Variants in RFWD3 observed in about 807,000 individuals in gnomAD.
The protein encoded by RFWD3 is ring finger and WD repeat domain 3.
A neutral mutation model predicts 87.7 loss-of-function variants in RFWD3; 65 were observed. That is an observed-to-expected ratio of 0.74 (90% CI 0.61 to 0.91). The LOEUF is 0.91. Ranked by LOEUF, RFWD3 falls within the 40% of genes least tolerant of loss-of-function variation. The pLI is 0.00. For missense variants in RFWD3, 1,078 were observed against 938.5 expected (o/e 1.15, Z -1.94); for synonymous variants, 433 against 352.8 (o/e 1.23, Z -2.55).
intron 8 of RFWD3, among the ~76,000 whole-genome samples, chr16:74,633,177 T>C (rs941392085): frequency 1.3e-5 from 2 of 150,912 alleles, no homozygotes; most frequent in African/African-American, 2.4e-5. Context: ...TTCAGGAGGC[T>C]GAGGCAGGAG....
chr16:74,649,289 A>T, intron 3 of RFWD3, 87 bp from the exon 4 acceptor site: 1 of 888,626 alleles, frequency 1.1e-6, no homozygotes. Context: ...AGAGAGCCTG[A>T]CTCACTACAG....
At chr16:74,646,405 A>G (rs530204438) in intron 4 of RFWD3, among the ~76,000 whole-genome samples, 1 of 152,190 alleles carries the variant, frequency 6.6e-6, no homozygotes, top group East Asian at 1.9e-4. Context: ...TGATTTATAT[A>G]AAGAAAAAAA....
rs964453580 is a variant in RFWD3 at position 74,623,852 on chromosome 16, G to A, written c.*76C>T. 2.7e-5 allele frequency: 40 copies of A among 1,477,550 alleles called. No individual in the cohort carries two copies. Among genetic ancestry groups the A allele is most frequent in the Admixed American group, 3.5e-5 (2 of 56,960 alleles). 91.5% of individuals were successfully genotyped at this position (1,477,550 alleles called of 1,614,324 possible). Reference sequence around the variant, plus strand: ...TTCTAGACTGCAGACAATAAACAGGGATCTTGCTTGGGGCTGCTAGGCGCT... The same window carrying A: ...TTCTAGACTGCAGACAATAAACAGGAATCTTGCTTGGGGCTGCTAGGCGCT... On this transcript the variant is annotated 3_prime_UTR_variant, in exon 13 of 13. Transcript: ENST00000361070.
intron 3 of RFWD3, 46 bp from the exon 4 acceptor site, chr16:74,649,248 T>C (rs769526949): frequency 7.2e-7 from 1 of 1,381,838 alleles, no homozygotes; most frequent in Non-Finnish European, 9.9e-7. Flanking sequence ...AAATACAAAA[T>C]AAGATATGTC....
At chr16:74,641,928 CAAAAAAAA>C (rs71158533) in intron 6 of RFWD3, among the ~76,000 whole-genome samples, 1 of 52,474 alleles carries the variant, frequency 1.9e-5, no homozygotes, top group African/African-American at 8.1e-5. Flanking sequence ...ACTCCGTCTC[CAAAAAAAA>C]AAAAAAAAAA....
chr16:74,648,685 T>C (rs1039568114), intron 4 of RFWD3, among the ~76,000 whole-genome samples: 1 of 151,476 alleles, frequency 6.6e-6, no homozygotes, highest in South Asian at 2.1e-4. Context: ...GGTAGGAGAA[T>C]TGCTTAAACA....
intron 11 of RFWD3, 56 bp from the exon 12 acceptor site, chr16:74,626,610 C>T: frequency 7.0e-7 from 1 of 1,435,782 alleles, no homozygotes; most frequent in Admixed American, 1.8e-5. Flanking sequence ...AAAAATTAAC[C>T]AAGTACCCAA....
Position 74,623,340 on chromosome 16 carries a change from T to C in RFWD3, c.*588A>G, listed in dbSNP as rs1374353683. ...GTTATTGCCACAAAGCACACCCAGG[T>C]GTGCTATCACACACTTGTGTGGAGA... On this transcript the variant is annotated 3_prime_UTR_variant, in exon 13 of 13. Transcript: ENST00000361070. 5.9e-5 allele frequency: 9 copies of C among 152,748 alleles called. No homozygotes were observed. 9.5% of individuals were successfully genotyped at this position (152,748 alleles called of 1,614,324 possible).
chr16:74,636,615 A>C, intron 7 of RFWD3, 38 bp from the exon 8 acceptor site: 1 of 1,406,210 alleles, frequency 7.1e-7, no homozygotes, highest in Admixed American at 1.9e-5. Context: ...AAAGCTTTTT[A>C]ATTTGATATT....
rs752853275 is a variant in RFWD3 at position 74,651,981 on chromosome 16, G to C, written c.660C>G (p.Ser220Arg). The C allele has an allele frequency of 1.2e-6, 2 of 1,614,020 alleles. No individual in the cohort carries two copies. Among genetic ancestry groups the C allele is most frequent in the Admixed American group, 3.3e-5 (2 of 59,984 alleles). Residue 220 changes from serine to arginine, a missense_variant, in exon 3 of 13, where the codon AGC (serine) becomes AGG (arginine). Coordinates refer to ENST00000361070, the MANE Select transcript of RFWD3 (RefSeq NM_018124.4). ...VSSSSDSDSD[S>R]SAEYGGVVDQ... is the part of the protein sequence containing the mutation. ...CAACAACCCCTCCATACTCTGCAGA[G>C]CTGTCACTGTCAGAATCAGAACTAC...
intron 8 of RFWD3, among the ~76,000 whole-genome samples, chr16:74,633,655 T>C (rs1959167873): frequency 6.6e-6 from 1 of 151,916 alleles, no homozygotes; most frequent in Admixed American, 6.6e-5. Context: ...TTTGCGGTAA[T>C]ACATATGTTC....
intron 2 of RFWD3, among the ~76,000 whole-genome samples, chr16:74,655,178 G>A (rs990338463): frequency 6.6e-6 from 1 of 152,210 alleles, no homozygotes; most frequent in Admixed American, 6.5e-5. Flanking sequence ...CTGGCTTCAA[G>A]GCTCAAAGGA....
chr16:74,640,667 C>G (rs1959556318), intron 6 of RFWD3, among the ~76,000 whole-genome samples: 1 of 151,438 alleles, frequency 6.6e-6, no homozygotes, highest in East Asian at 2.0e-4. Context: ...TGGCCAGGCG[C>G]AGTGGCTCAT....
intron 1 of RFWD3, among the ~76,000 whole-genome samples, chr16:74,665,633 C>A (rs963419600): frequency 1.3e-5 from 2 of 152,130 alleles, no homozygotes; most frequent in Non-Finnish European, 2.9e-5. Context: ...GTGGCGCGCA[C>A]CTGTGGTCCC....
chr16:74,633,881 C>T (rs11640231), intron 8 of RFWD3, among the ~76,000 whole-genome samples: 13,962 of 151,550 alleles, frequency 0.092, 1,030 homozygotes, highest in East Asian at 0.35. Flanking sequence ...GCCCAGGAGG[C>T]GGAGGTTGTA....
chr16:74,634,185 G>A (rs1408140098), intron 8 of RFWD3, among the ~76,000 whole-genome samples: 1 of 151,970 alleles, frequency 6.6e-6, no homozygotes, highest in Non-Finnish European at 1.5e-5. Context: ...GAACAATAGA[G>A]AATGAAAATA....
At chr16:74,633,365 G>A (rs1426749073) in intron 8 of RFWD3, among the ~76,000 whole-genome samples, 4 of 147,802 alleles carry the variant, frequency 2.7e-5, no homozygotes, top group African/African-American at 7.5e-5. Flanking sequence ...AAAAGAAAAA[G>A]TATAACCTAC....
At chr16:74,628,698 A>G (rs775961760) in intron 10 of RFWD3, 32 bp from the exon 11 acceptor site, 1 of 1,605,750 alleles carries the variant, frequency 6.2e-7, no homozygotes, top group African/African-American at 1.3e-5. Context: ...TGTATCTCAC[A>G]CTCCAAAACT....
At chr16:74,624,945 C>T (rs1488815320) in intron 12 of RFWD3, among the ~76,000 whole-genome samples, 2 of 152,100 alleles carry the variant, frequency 1.3e-5, no homozygotes, top group Non-Finnish European at 2.9e-5. Flanking sequence ...ACCATGATTG[C>T]ACTACTGCAC....
Sources: gnomAD v4.1 joint callset for allele counts (sites outside exome capture counted in the v4.1 genomes callset) on GRCh38, gnomAD v4.1.1 for gene constraint, MANE v1.5 for transcripts, NCBI Gene and HGNC (gene_info 2026-07-23, HGNC 2026-07-21) for gene names.